Variants in MED13L observed in about 807,000 individuals in gnomAD.
MED13L encodes mediator complex subunit 13L, also known as mediator of RNA polymerase II transcription subunit 13-like.
In MED13L, 7 loss-of-function variants were observed where a neutral mutation model predicts 220.9. That is an observed-to-expected ratio of 0.03 (90% CI 0.02 to 0.06). The LOEUF is 0.06. Among genes scored for constraint, MED13L ranks in the 10% least tolerant of loss-of-function variants. The pLI is 1.00. For synonymous variants in MED13L, 1,011 were observed against 1,015.2 expected (o/e 1.00, Z 0.08); for missense variants, 1,965 against 2,760.5 (o/e 0.71, Z 6.46).
chr12:116,157,892 G>C (rs1878568093), intron 2 of MED13L, among the ~76,000 whole-genome samples: 1 of 152,194 alleles, frequency 6.6e-6, no homozygotes, highest in Non-Finnish European at 1.5e-5. Flanking sequence ...TGCGAGGCAA[G>C]TCCCTTGCAC....
intron 2 of MED13L, among the ~76,000 whole-genome samples, chr12:116,220,020 C>T (rs929332205): frequency 9.2e-5 from 14 of 152,144 alleles, no homozygotes; most frequent in Non-Finnish European, 1.6e-4. Context: ...TGGTCTTGAA[C>T]TCCTGACCTC....
At chr12:116,270,465 A>T (rs1873212299) in intron 1 of MED13L, among the ~76,000 whole-genome samples, 1 of 152,124 alleles carries the variant, frequency 6.6e-6, no homozygotes, top group Admixed American at 6.5e-5. Context: ...AAAGTTCAGT[A>T]ATAAAACAAG....
intron 4 of MED13L, among the ~76,000 whole-genome samples, chr12:116,036,439 A>G (rs1361559960): frequency 6.6e-6 from 1 of 152,218 alleles, no homozygotes; most frequent in Non-Finnish European, 1.5e-5. Context: ...AGATCATTTT[A>G]TTCTCTTACA....
At chr12:116,261,103 G>T (rs562511621) in intron 1 of MED13L, among the ~76,000 whole-genome samples, 2 of 151,962 alleles carry the variant, frequency 1.3e-5, no homozygotes, top group Admixed American at 1.3e-4. Context: ...CCTGCCAAAG[G>T]CCCCACTCTA....
chr12:116,220,559 C>A (rs987705907), intron 2 of MED13L, among the ~76,000 whole-genome samples: 1 of 152,150 alleles, frequency 6.6e-6, no homozygotes, highest in Non-Finnish European at 1.5e-5. Context: ...ATTTGCCAGG[C>A]ATGGTGGTGC....
intron 21 of MED13L, 38 bp downstream of exon 21, chr12:115,983,079 G>T (rs753204622): frequency 3.4e-5 from 54 of 1,602,628 alleles, no homozygotes; most frequent in Non-Finnish European, 4.6e-5. Context: ...GAAAGGGTCT[G>T]AGCTGAAGCC....
chr12:116,081,987 A>T (rs1177191136), intron 4 of MED13L, among the ~76,000 whole-genome samples: 1 of 152,248 alleles, frequency 6.6e-6, no homozygotes, highest in African/African-American at 2.4e-5. Context: ...AATGAAGTTT[A>T]AAAAAGTGAA....
At chr12:115,982,718 AAAGGT>A in intron 21 of MED13L, 115 bp from the exon 22 acceptor site, 1 of 982,558 alleles carries the variant, frequency 1.0e-6, no homozygotes, top group South Asian at 1.4e-5. Context: ...TTTACAGATT[AAAGGT>A]AAGAGTAACA....
chr12:116,063,710 T>C (rs1336260384), intron 4 of MED13L, among the ~76,000 whole-genome samples: 1 of 152,202 alleles, frequency 6.6e-6, no homozygotes, highest in Non-Finnish European at 1.5e-5. Context: ...GGAAAAAAAC[T>C]GTTTATCAAA....
intron 2 of MED13L, among the ~76,000 whole-genome samples, chr12:116,206,463 GTAAAGT>G (rs1472299580): frequency 3.9e-5 from 6 of 152,044 alleles, no homozygotes; most frequent in Admixed American, 2.0e-4. Flanking sequence ...TGAGCCAGAA[GTAAAGT>G]TATTTACACC....
chr12:116,096,354 C>CAAAAAAAA lies in MED13L; in HGVS notation c.479+307_479+314dup, dbSNP rs537207957. 5.9e-3 allele frequency among the ~76,000 whole-genome samples: 140 copies of CAAAAAAAA among 23,556 alleles called. 8 individuals carry two copies. Among genetic ancestry groups the CAAAAAAAA allele is most frequent in the East Asian group, 0.012 (6 of 488 alleles). The allele number at this position is 23,556 out of a possible 152,430, so 15.5% of individuals were successfully genotyped here. ...TGGGTGACAGAGTGAGACACAGCCT[C>CAAAAAAAA]AAAAAAAAAAAAAAAAAAAAAAAAA... On this transcript the variant is annotated intron_variant, in intron 4 of 30. Transcript: ENST00000281928.
intron 4 of MED13L, among the ~76,000 whole-genome samples, chr12:116,026,452 A>G (rs1880399444): frequency 6.6e-6 from 1 of 152,332 alleles, no homozygotes; most frequent in South Asian, 2.1e-4. Context: ...CAGTAACTAT[A>G]TATTTTTGGC....
At chr12:116,273,551 T>A (rs528763319) in intron 1 of MED13L, among the ~76,000 whole-genome samples, 2 of 148,264 alleles carry the variant, frequency 1.3e-5, no homozygotes, top group Non-Finnish European at 3.0e-5. Flanking sequence ...TGCAAAAAAA[T>A]CCCTTAAGAC....
chr12:115,982,676 A>G, intron 21 of MED13L, 73 bp from the exon 22 acceptor site: 1 of 1,251,528 alleles, frequency 8.0e-7, no homozygotes, highest in Non-Finnish European at 1.2e-6. Context: ...AAAAGGGCTC[A>G]ATTCTAGAGC....
chr12:116,003,114 C>A lies in MED13L; in HGVS notation c.2470-12G>T. 1 of 1,609,912 alleles carries A rather than the reference C, an allele frequency of 6.2e-7. No homozygotes were observed. On this transcript the variant is annotated splice_polypyrimidine_tract_variant and intron_variant, in intron 13 of 30. Coordinates refer to ENST00000281928, the MANE Select transcript of MED13L (RefSeq NM_015335.5). ...GCAGGTGATACAGCCTAAGAACAGA[C>A]GGTGTTATTAAAACAGAGTGACGTG... is the stretch of plus-strand genomic sequence containing the variant.
At chr12:116,078,198 T>C (rs1870963816) in intron 4 of MED13L, among the ~76,000 whole-genome samples, 1 of 150,800 alleles carries the variant, frequency 6.6e-6, no homozygotes, top group Non-Finnish European at 1.5e-5. Context: ...CTGCTGTGCA[T>C]ATGAATTATT....
At chr12:116,099,934 T>C (rs1872923015) in intron 3 of MED13L, among the ~76,000 whole-genome samples, 1 of 152,340 alleles carries the variant, frequency 6.6e-6, no homozygotes, top group African/African-American at 2.4e-5. Flanking sequence ...TGCTTCAAGC[T>C]GAAACCATGT....
intron 2 of MED13L, among the ~76,000 whole-genome samples, chr12:116,146,938 T>C (rs1242094179): frequency 1.3e-5 from 2 of 151,982 alleles, no homozygotes; most frequent in Non-Finnish European, 2.9e-5. Flanking sequence ...CATGAAGAGT[T>C]TAAGTATACA....
intron 4 of MED13L, among the ~76,000 whole-genome samples, chr12:116,079,662 T>C (rs1301195795): frequency 6.6e-6 from 1 of 151,762 alleles, no homozygotes; most frequent in Non-Finnish European, 1.5e-5. Context: ...CCTCAGCTCC[T>C]CAAGTAGCTG....
Sources: allele counts gnomAD v4.1 joint callset (sites outside exome capture counted in the v4.1 genomes callset), GRCh38; gene constraint gnomAD v4.1.1; transcripts MANE v1.5; gene names NCBI Gene and HGNC (gene_info 2026-07-23, HGNC 2026-07-21).